BEND4: variants seen among roughly 807,000 people sequenced by gnomAD.
BEND4 encodes the protein BEN domain-containing protein 4.
Under a neutral mutation model 54.7 loss-of-function variants are expected in BEND4, and 27 were observed. The observed-to-expected ratio is 0.49, with a 90% CI of 0.36 to 0.68. The LOEUF (loss-of-function observed/expected upper bound fraction) is 0.68. Ranked by LOEUF, BEND4 falls within the 30% of genes least tolerant of loss-of-function variation. The pLI, the probability that BEND4 is intolerant of heterozygous loss-of-function variation, is 0.00. For synonymous variants in BEND4, 327 were observed against 299.5 expected, an observed-to-expected ratio of 1.09 and a Z score of -0.95; for missense variants, 702 against 697.2, an observed-to-expected ratio of 1.01 and a Z score of -0.08.
At chr4:42,144,494 A>G (rs774648344) in intron 2 of BEND4, among the ~76,000 whole-genome samples, 7 of 152,334 alleles carry the variant, frequency 4.6e-5, no homozygotes, top group Admixed American at 2.6e-4. Flanking sequence ...GGGAAGAAAG[A>G]TAAGTCTTTT....
intron 3 of BEND4, 96 bp downstream of exon 3, chr4:42,143,332 C>T (rs1454902178): frequency 1.4e-5 from 16 of 1,116,462 alleles, no homozygotes; most frequent in Non-Finnish European, 2.1e-5. Flanking sequence ...CATACATATA[C>T]ACATACACAT....
rs2153144329 is a variant in BEND4 at position 42,117,575 on chromosome 4, G to A, written c.1548C>T (p.His516=). ...NGGSFYEGID[H]QASQDEVFNK... Reference sequence around the variant, plus strand: ...TGAAGACTTCATCCTGAGAAGCCTGGTGATCGATCCCTTCATAAAATGAGC... The same window carrying A: ...TGAAGACTTCATCCTGAGAAGCCTGATGATCGATCCCTTCATAAAATGAGC... Residue 516 remains histidine (H), a synonymous_variant, in exon 6 of 6, where the codon CAC becomes CAT. Transcript: ENST00000502486. 6.2e-7 allele frequency: 1 copy of A among 1,613,218 alleles called. No homozygotes were observed. The highest frequency in any genetic ancestry group is 1.1e-5 in the South Asian group (1 of 90,728).
chr4:42,123,706 A>AAAAAAACAAAAC (rs1560576050), intron 4 of BEND4, among the ~76,000 whole-genome samples: 29 of 142,942 alleles, frequency 2.0e-4, no homozygotes, highest in African/African-American at 6.6e-4. Context: ...AAAAAAAAAA[A>AAAAAAACAAAAC]AAAAAAAAAA....
At chr4:42,146,395 T>G (rs1721083276) in intron 2 of BEND4, among the ~76,000 whole-genome samples, 1 of 152,232 alleles carries the variant, frequency 6.6e-6, no homozygotes, top group African/African-American at 2.4e-5. Context: ...AGAACATATT[T>G]TGTTAAACAA....
At position 42,141,195 on chromosome 4, in the gene BEND4, G is replaced by A. The variant is rs569680468; in HGVS notation, c.1054+2233C>T. 2.0e-5 allele frequency among the ~76,000 whole-genome samples: 3 copies of A among 152,260 alleles called. No individual in the cohort carries two copies. The South Asian group carries it at 6.2e-4, about 32-fold the overall frequency. Reference sequence around the variant, plus strand: ...CTAACCCCAGGGCTCCAATGTAAAAGGAGAAAACGGATTTGCTGCACCTCT... The same window carrying A: ...CTAACCCCAGGGCTCCAATGTAAAAAGAGAAAACGGATTTGCTGCACCTCT... On this transcript the variant is annotated intron_variant, in intron 3 of 5. Coordinates refer to ENST00000502486, the MANE Select transcript of BEND4 (RefSeq NM_207406.4).
chr4:42,138,196 G>A (rs559849738), intron 3 of BEND4, among the ~76,000 whole-genome samples: 1 of 152,246 alleles, frequency 6.6e-6, no homozygotes, highest in African/African-American at 2.4e-5. Flanking sequence ...TCTGTCAACA[G>A]ACAAGTGGAT....
chr4:42,132,344 C>T (rs1162549883), intron 3 of BEND4, among the ~76,000 whole-genome samples: 1 of 152,236 alleles, frequency 6.6e-6, no homozygotes, highest in South Asian at 2.1e-4. Flanking sequence ...TGGCTTTCAG[C>T]AGCAAGAGGT....
intron 2 of BEND4, among the ~76,000 whole-genome samples, chr4:42,148,336 G>A (rs1050731349): frequency 2.0e-5 from 3 of 152,076 alleles, no homozygotes; most frequent in African/African-American, 7.2e-5. Flanking sequence ...ATAAATCAAT[G>A]ATGTGTCAAA....
At chr4:42,120,328 G>GAGCC (rs1560574977) in intron 4 of BEND4, 34 bp from the exon 5 acceptor site, 11 of 1,584,870 alleles carry the variant, frequency 6.9e-6, no homozygotes, top group Middle Eastern at 1.7e-4. Flanking sequence ...ATTACCCACC[G>GAGCC]AGCCAGCCAG....
At chr4:42,136,645 C>T (rs948969862) in intron 3 of BEND4, among the ~76,000 whole-genome samples, 2 of 152,158 alleles carry the variant, frequency 1.3e-5, no homozygotes, top group African/African-American at 4.8e-5. Context: ...GTGTCCTCAC[C>T]ATGGTCTATT....
At chr4:42,137,112 T>G (rs1720722996) in intron 3 of BEND4, among the ~76,000 whole-genome samples, 2 of 152,194 alleles carry the variant, frequency 1.3e-5, no homozygotes, top group South Asian at 4.1e-4. Flanking sequence ...ATTATAATCC[T>G]AAATTTCCAA....
chr4:42,148,200 G>A (rs1449022198), intron 2 of BEND4, among the ~76,000 whole-genome samples: 1 of 152,104 alleles, frequency 6.6e-6, no homozygotes, highest in Non-Finnish European at 1.5e-5. Context: ...GAAAATCAAA[G>A]CATCTTTGGA....
In BEND4 at chr4:42,143,664, T is replaced by C. The variant is rs1285819705; in HGVS notation, c.818A>G (p.Tyr273Cys). Residue 273 changes from tyrosine (Y) to cysteine (C), a missense_variant, in exon 3 of 6, where the codon TAT becomes TGT. Tyr to Cys is a radical substitution (Grantham distance 194, BLOSUM62 -2). Transcript: ENST00000502486. Reference sequence around the variant, plus strand: ...AGGATCCACGTCGGCCAGATGGCCATATTCACTGGCTGACGAGGGGTTTGG... The same window carrying C: ...AGGATCCACGTCGGCCAGATGGCCACATTCACTGGCTGACGAGGGGTTTGG... ...PTPNPSSASE[Y>C]GHLADVDPLS... 1.9e-6 allele frequency: 3 copies of C among 1,614,016 alleles called. No homozygotes were observed. Among genetic ancestry groups the C allele is most frequent in the Middle Eastern group, 1.6e-4 (1 of 6,062 alleles).
intron 3 of BEND4, among the ~76,000 whole-genome samples, chr4:42,133,125 T>C (rs1339101006): frequency 6.6e-6 from 1 of 152,268 alleles, no homozygotes; most frequent in Non-Finnish European, 1.5e-5. Flanking sequence ...TACTGCCTAG[T>C]GTAAACTATT....
At chr4:42,126,004 G>C (rs111317724) in intron 3 of BEND4, among the ~76,000 whole-genome samples, 3,070 of 152,166 alleles carry the variant, frequency 0.02, 120 homozygotes, top group African/African-American at 0.071. Context: ...GCCTCCCAAA[G>C]TGCTGGGTTC....
At chr4:42,150,489 G>A (rs986920000) in intron 2 of BEND4, among the ~76,000 whole-genome samples, 7 of 152,216 alleles carry the variant, frequency 4.6e-5, no homozygotes, top group Admixed American at 6.5e-5. Context: ...ATTACTGGAG[G>A]CATCTATAAC....
intron 3 of BEND4, among the ~76,000 whole-genome samples, chr4:42,139,624 G>T (rs1469446325): frequency 6.6e-6 from 1 of 150,950 alleles, no homozygotes; most frequent in Non-Finnish European, 1.5e-5. Flanking sequence ...GCACTCCTCC[G>T]GAAAGGCAGA....
At chr4:42,148,530 T>C (rs1404493696) in intron 2 of BEND4, among the ~76,000 whole-genome samples, 2 of 152,228 alleles carry the variant, frequency 1.3e-5, no homozygotes, top group Non-Finnish European at 2.9e-5. Flanking sequence ...CAGGCAGCAT[T>C]TCAGCTCTGC....
chr4:42,142,154 C>A (rs1560582850), intron 3 of BEND4, among the ~76,000 whole-genome samples: 2 of 151,696 alleles, frequency 1.3e-5, no homozygotes, highest in South Asian at 2.1e-4. Context: ...ATCCGCCCCC[C>A]CTCGGCCTCC....
Sources: allele counts gnomAD v4.1 joint callset (sites outside exome capture counted in the v4.1 genomes callset), GRCh38; gene constraint gnomAD v4.1.1; transcripts MANE v1.5; gene names NCBI Gene and HGNC (gene_info 2026-07-23, HGNC 2026-07-21).